PRDM5: variants seen among roughly 807,000 people sequenced by gnomAD.
PRDM5 encodes the protein PR/SET domain 5.
Under a neutral mutation model 81.2 loss-of-function variants are expected in PRDM5, and 56 were observed. The ratio of observed to expected loss-of-function variants is 0.69; its 90% CI spans 0.56 to 0.86. The LOEUF (loss-of-function observed/expected upper bound fraction) is 0.86. PRDM5 is among the 40% of genes least tolerant of loss of function. PRDM5 has a pLI of 0.00. For missense variants in PRDM5, 697 were observed against 770.1 expected (o/e 0.91, Z 1.12); for synonymous variants, 267 against 256.4 (o/e 1.04, Z -0.39).
At position 120,914,478 on chromosome 4, in the gene PRDM5, A is replaced by G. The variant is rs189383326; in HGVS notation, c.94-6921T>C. The stretch of plus-strand genomic sequence containing the variant: ...AAAGGGATGAGAAGTGTATTAATCT[A>G]TTCTCACACTGCTATAAAGAACTTC... On this transcript the variant is annotated intron_variant, in intron 1 of 15. Transcript: ENST00000264808. Among the ~76,000 whole-genome samples the G allele has an allele frequency of 6.6e-5, 10 of 152,296 alleles. No homozygotes were observed. In the East Asian group the frequency reaches 1.9e-3, roughly 29 times the overall value.
At chr4:120,867,534 A>T (rs960395723) in intron 2 of PRDM5, among the ~76,000 whole-genome samples, 1 of 152,206 alleles carries the variant, frequency 6.6e-6, no homozygotes, top group African/African-American at 2.4e-5. Context: ...ACATAAGGAA[A>T]CTATTGACCA....
chr4:120,913,335 T>A (rs757034540), intron 1 of PRDM5, among the ~76,000 whole-genome samples: 110 of 152,230 alleles, frequency 7.2e-4, no homozygotes, highest in Admixed American at 6.5e-4. Flanking sequence ...CCCTGACATT[T>A]TGAGCCACTG....
chr4:120,807,672 G>A (rs28831670), intron 8 of PRDM5, among the ~76,000 whole-genome samples: 1 of 152,178 alleles, frequency 6.6e-6, no homozygotes, highest in South Asian at 2.1e-4. Flanking sequence ...CTCACAGTGA[G>A]TGTTACAGTT....
rs184039122 is a variant in PRDM5, at chr4:120,716,218, G to A, written c.1624-5805C>T. On this transcript the variant is annotated intron_variant, in intron 14 of 15. Coordinates refer to ENST00000264808, the MANE Select transcript of PRDM5 (RefSeq NM_018699.4). Reference sequence around the variant, plus strand: ...TTAATATACTTCACTTACAAATGTCGTTGAAATTATATTACCTTTCCTTAT... The same window carrying A: ...TTAATATACTTCACTTACAAATGTCATTGAAATTATATTACCTTTCCTTAT... Among the ~76,000 whole-genome samples, 21 of 152,146 alleles carry A rather than the reference G, an allele frequency of 1.4e-4. 1 individual carries two copies. Among genetic ancestry groups the A allele is most frequent in the Middle Eastern group, 3.4e-3 (1 of 294 alleles).
chr4:120,722,432 T>C (rs1738763329), intron 14 of PRDM5, among the ~76,000 whole-genome samples: 1 of 151,892 alleles, frequency 6.6e-6, no homozygotes, highest in South Asian at 2.1e-4. Flanking sequence ...TATTTGGGTG[T>C]TGCCTTCTGC....
chr4:120,921,840 G>A (rs1724963484), intron 1 of PRDM5, among the ~76,000 whole-genome samples: 1 of 151,776 alleles, frequency 6.6e-6, no homozygotes, highest in Non-Finnish European at 1.5e-5. Flanking sequence ...TGGCTGGAGA[G>A]ATCGAACCGA....
chr4:120,778,099 T>C (rs3827583), intron 12 of PRDM5, among the ~76,000 whole-genome samples: 31,596 of 151,954 alleles, frequency 0.21, 3,770 homozygotes, highest in Non-Finnish European at 0.28. Flanking sequence ...ACTTAAGAGA[T>C]TGGAGAAAAG....
intron 11 of PRDM5, among the ~76,000 whole-genome samples, chr4:120,783,307 T>G (rs1051615756): frequency 6.6e-6 from 1 of 152,108 alleles, no homozygotes; most frequent in Non-Finnish European, 1.5e-5. Flanking sequence ...TTGATTTTCC[T>G]GGCCAAATGT....
rs564187620 is a variant in PRDM5, at chr4:120,916,365, C to T, written c.93+6151G>A. Among the ~76,000 whole-genome samples, 18 of 149,616 alleles carry T rather than the reference C, an allele frequency of 1.2e-4. 1 individual carries two copies. Among genetic ancestry groups the T allele is most frequent in the African/African-American group, 3.0e-4 (12 of 40,476 alleles). ...TCGCACCTCTGCACTTTAGCCTGGA[C>T]GACAGAGCAAGACTGTATCTCATAA... On this transcript the variant is annotated intron_variant, in intron 1 of 15. Coordinates refer to ENST00000264808, the MANE Select transcript of PRDM5 (RefSeq NM_018699.4).
chr4:120,739,078 C>A (rs1014357122), intron 14 of PRDM5, among the ~76,000 whole-genome samples: 3 of 152,178 alleles, frequency 2.0e-5, no homozygotes, highest in Admixed American at 6.5e-5. Context: ...AGATGGCTGG[C>A]AGTACACGTT....
chr4:120,851,991 A>G (rs1759325094), intron 3 of PRDM5, among the ~76,000 whole-genome samples: 1 of 152,128 alleles, frequency 6.6e-6, no homozygotes, highest in South Asian at 2.1e-4. Flanking sequence ...CAGGAAGATG[A>G]GCTTTCACAT....
chr4:120,731,483 T>C (rs1367273918), intron 14 of PRDM5: 1 of 151,504 alleles, frequency 6.6e-6, no homozygotes, highest in African/African-American at 2.4e-5. Flanking sequence ...AAAAGAATGG[T>C]ATAATTTTGG....
chr4:120,806,802 C>G (rs10808321), intron 8 of PRDM5, among the ~76,000 whole-genome samples: 19 of 152,144 alleles, frequency 1.2e-4, no homozygotes, highest in Non-Finnish European at 2.2e-4. Flanking sequence ...AGGACTTCAT[C>G]TCTAAAACAC....
At chr4:120,856,329 C>T (rs1759872082) in intron 2 of PRDM5, among the ~76,000 whole-genome samples, 1 of 152,232 alleles carries the variant, frequency 6.6e-6, no homozygotes, top group Admixed American at 6.5e-5. Flanking sequence ...CAATATACTA[C>T]ATTACCTACA....
intron 3 of PRDM5, among the ~76,000 whole-genome samples, chr4:120,829,440 C>A (rs1756445190): frequency 6.6e-6 from 1 of 152,106 alleles, no homozygotes; most frequent in African/African-American, 2.4e-5. Flanking sequence ...TTTGTCTCTT[C>A]TCAAGTGCCA....
intron 13 of PRDM5, among the ~76,000 whole-genome samples, chr4:120,772,375 A>C (rs188666608): frequency 6.6e-6 from 1 of 152,286 alleles, no homozygotes; most frequent in Admixed American, 6.5e-5. Context: ...GAAAGCCTTA[A>C]TGTTTTCCTA....
At chr4:120,882,753 T>C (rs1004442122) in intron 2 of PRDM5, among the ~76,000 whole-genome samples, 1 of 152,234 alleles carries the variant, frequency 6.6e-6, no homozygotes, top group Admixed American at 6.5e-5. Context: ...CATTCGTGTG[T>C]AGAAAAAATT....
At chr4:120,829,955 A>T (rs899256873) in intron 3 of PRDM5, among the ~76,000 whole-genome samples, 1 of 152,114 alleles carries the variant, frequency 6.6e-6, no homozygotes, top group African/African-American at 2.4e-5. Context: ...GAAACAGTAA[A>T]GATTTCATAT....
chr4:120,920,430 G>A (rs1421223667), intron 1 of PRDM5, among the ~76,000 whole-genome samples: 1 of 152,132 alleles, frequency 6.6e-6, no homozygotes, highest in East Asian at 1.9e-4. Flanking sequence ...CAGATCCCTT[G>A]ATTTATGTCC....
Sources: allele counts gnomAD v4.1 joint callset (sites outside exome capture counted in the v4.1 genomes callset), GRCh38; gene constraint gnomAD v4.1.1; transcripts MANE v1.5; gene names NCBI Gene and HGNC (gene_info 2026-07-23, HGNC 2026-07-21).